Variants in SAMD5 observed in about 807,000 individuals in gnomAD.
The protein encoded by SAMD5 is sterile alpha motif domain containing 5.
A neutral mutation model predicts 11.3 loss-of-function variants in SAMD5; 13 were observed. The observed-to-expected ratio is 1.15, with a 90% CI of 0.75 to 1.83. The LOEUF (loss-of-function observed/expected upper bound fraction) is 1.83, where lower values mean the gene tolerates loss of function less well. Among genes scored for constraint, SAMD5 ranks in the 40% most tolerant of loss-of-function variants. The probability of loss-of-function intolerance (pLI) is 0.00; values close to 1 mark genes in which losing one functional copy is unlikely to be tolerated. For synonymous variants in SAMD5, 129 were observed against 111.3 expected (o/e 1.16, Z -1.00); for missense variants, 255 against 239.1 (o/e 1.07, Z -0.44).
chr6:147,890,881 C>T, the SAMD5 span, among the ~76,000 whole-genome samples: 284 of 151,930 alleles, frequency 1.9e-3, no homozygotes, highest in African/African-American at 6.4e-3. Context: ...AGAAGGTATT[C>T]ACTGAAATAA....
intron 1 of SAMD5, among the ~76,000 whole-genome samples, chr6:147,671,734 C>G (rs888894739): frequency 6.6e-6 from 1 of 152,180 alleles, no homozygotes; most frequent in African/African-American, 2.4e-5. Flanking sequence ...ATGTGTCCGT[C>G]CTATTTTTTG....
At chr6:147,695,136 C>T (rs1791157060) in intron 1 of SAMD5, among the ~76,000 whole-genome samples, 1 of 152,152 alleles carries the variant, frequency 6.6e-6, no homozygotes, top group African/African-American at 2.4e-5. Context: ...TCCCGTGAAA[C>T]AAATATGTGA....
chr6:147,666,051 G>C (rs1790714206), intron 1 of SAMD5, among the ~76,000 whole-genome samples: 2 of 152,198 alleles, frequency 1.3e-5, no homozygotes, highest in Admixed American at 6.5e-5. Context: ...CGATTCTCCC[G>C]CCTCGGCCTC....
At chr6:147,676,924 A>G (rs1253185603) in intron 1 of SAMD5, among the ~76,000 whole-genome samples, 1 of 152,100 alleles carries the variant, frequency 6.6e-6, no homozygotes, top group African/African-American at 2.4e-5. Context: ...AAGAAATGAC[A>G]GAAGCTGGGG....
chr6:147,697,626 A>G (rs1018484770), intron 1 of SAMD5, among the ~76,000 whole-genome samples: 1 of 152,224 alleles, frequency 6.6e-6, no homozygotes, highest in Non-Finnish European at 1.5e-5. Context: ...CTATAAAAAA[A>G]CTAAACTAAA....
At chr6:147,802,865 A>T in the SAMD5 span, among the ~76,000 whole-genome samples, 1 of 152,314 alleles carries the variant, frequency 6.6e-6, no homozygotes, top group African/African-American at 2.4e-5. Flanking sequence ...TGGACTTCAC[A>T]TGGGTGATTG....
At chr6:147,766,708 T>C in the SAMD5 span, among the ~76,000 whole-genome samples, 2 of 152,170 alleles carry the variant, frequency 1.3e-5, no homozygotes, top group African/African-American at 4.8e-5. Flanking sequence ...GATACATATA[T>C]GGGATTTGTG....
chr6:147,682,261 T>C (rs556987750), intron 1 of SAMD5, among the ~76,000 whole-genome samples: 1 of 152,240 alleles, frequency 6.6e-6, no homozygotes, highest in Admixed American at 6.5e-5. Context: ...CCTTCCTTCA[T>C]TGTCTAATGT....
At chr6:147,852,773 A>G in the SAMD5 span, among the ~76,000 whole-genome samples, 2 of 152,190 alleles carry the variant, frequency 1.3e-5, no homozygotes, top group East Asian at 3.8e-4. Flanking sequence ...TACTAAGGAG[A>G]TAGCAAAGAA....
chr6:147,550,173 T>A (rs1020874029), intron 1 of SAMD5, among the ~76,000 whole-genome samples: 1 of 151,702 alleles, frequency 6.6e-6, no homozygotes, highest in Non-Finnish European at 1.5e-5. Context: ...AGCCCAGGAG[T>A]TTGAGGTTAC....
At chr6:147,710,548 C>T (rs796310221) in intron 1 of SAMD5, among the ~76,000 whole-genome samples, 25 of 152,264 alleles carry the variant, frequency 1.6e-4, no homozygotes, top group African/African-American at 4.3e-4. Flanking sequence ...CACTCCGTTA[C>T]GGTTATCAGA....
intron 1 of SAMD5, among the ~76,000 whole-genome samples, chr6:147,558,964 C>T (rs1429642645): frequency 6.6e-6 from 1 of 152,196 alleles, no homozygotes; most frequent in Non-Finnish European, 1.5e-5. Flanking sequence ...TACCAAATAC[C>T]TCCTTAATCG....
intron 1 of SAMD5, among the ~76,000 whole-genome samples, chr6:147,530,478 C>G (rs1380732828): frequency 6.6e-6 from 1 of 152,236 alleles, no homozygotes; most frequent in Non-Finnish European, 1.5e-5. Flanking sequence ...CAAAGGGAAG[C>G]AGCCGGCATT....
rs1789257210 is a variant in SAMD5 at position 147,578,994 on chromosome 6, A to G, written c.162+69607A>G. On this transcript the variant is annotated intron_variant, in intron 1 of 1. Transcript: ENST00000566741. Reference sequence around the variant, plus strand: ...AAATGTTCAGTAGGTGTTAGCTATCATCATCATAATTCATTTACATATTTG... The same window carrying G: ...AAATGTTCAGTAGGTGTTAGCTATCGTCATCATAATTCATTTACATATTTG... 2.0e-5 allele frequency among the ~76,000 whole-genome samples: 3 copies of G among 152,250 alleles called. No individual in the cohort carries two copies. In the South Asian group the frequency reaches 6.2e-4, roughly 32 times the overall value.
At chr6:147,532,239 C>T (rs577641624) in intron 1 of SAMD5, among the ~76,000 whole-genome samples, 1 of 152,236 alleles carries the variant, frequency 6.6e-6, no homozygotes, top group Non-Finnish European at 1.5e-5. Flanking sequence ...GTCACCTGAG[C>T]AGTGCACACT....
At chr6:147,642,787 G>A (rs1286886734) in intron 1 of SAMD5, among the ~76,000 whole-genome samples, 1 of 152,112 alleles carries the variant, frequency 6.6e-6, no homozygotes, top group African/African-American at 2.4e-5. Flanking sequence ...AACTCATTCT[G>A]TAAACATTCT....
At chr6:147,722,799 C>T (rs567726945) in intron 1 of SAMD5, among the ~76,000 whole-genome samples, 22 of 152,162 alleles carry the variant, frequency 1.4e-4, no homozygotes, top group Non-Finnish European at 2.4e-4. Context: ...AGTATTAACA[C>T]CTAGAAATGA....
intron 1 of SAMD5, among the ~76,000 whole-genome samples, chr6:147,530,548 C>T (rs932107243): frequency 1.3e-5 from 2 of 152,234 alleles, no homozygotes; most frequent in Non-Finnish European, 2.9e-5. Flanking sequence ...TGCCATCCTG[C>T]CCAAGTACCT....
chr6:147,775,588 C>T, the SAMD5 span, among the ~76,000 whole-genome samples: 1 of 152,268 alleles, frequency 6.6e-6, no homozygotes, highest in Non-Finnish European at 1.5e-5. Flanking sequence ...TTCAAATGGT[C>T]TGGAAATGCT....
Sources: gnomAD v4.1 joint callset for allele counts (sites outside exome capture counted in the v4.1 genomes callset) on GRCh38, gnomAD v4.1.1 for gene constraint, MANE v1.5 for transcripts, NCBI Gene and HGNC (gene_info 2026-07-23, HGNC 2026-07-21) for gene names.